GAS7: variants seen among roughly 807,000 people sequenced by gnomAD.
The protein encoded by GAS7 is growth arrest-specific protein 7.
GAS7 carries 28 observed loss-of-function variants against 71.1 expected under a neutral mutation model. The observed-to-expected ratio is 0.39, with a 90% CI of 0.29 to 0.54. The LOEUF (loss-of-function observed/expected upper bound fraction) is 0.54. Ranked by LOEUF, GAS7 falls within the 20% of genes least tolerant of loss-of-function variation. The pLI, the probability that GAS7 is intolerant of heterozygous loss-of-function variation, is 0.62. For synonymous variants in GAS7, 258 were observed against 245.8 expected (o/e 1.05, Z -0.46); for missense variants, 436 against 627.8 (o/e 0.69, Z 3.27).
rs2072478408 is a variant in GAS7 at position 10,026,967 on chromosome 17, A to G, written c.184-7070T>C. 6.6e-6 allele frequency: 1 copy of G among 152,208 alleles called. No homozygotes were observed. Among genetic ancestry groups the G allele is most frequent in the Admixed American group, 6.5e-5 (1 of 15,284 alleles). The allele number at this position is 152,208 out of a possible 1,614,324, so 9.4% of individuals were successfully genotyped here. ...TCAGAAATTTCAGTGCACAGAAAATAGTAGGGGACCCCTGGCAACGTCACA... is the reference window on the plus strand; with the variant it reads ...TCAGAAATTTCAGTGCACAGAAAATGGTAGGGGACCCCTGGCAACGTCACA... On this transcript the variant is annotated intron_variant, in intron 1 of 13. Transcript: ENST00000432992. The surrounding 1 kb of genome is among the most constrained non-coding windows in gnomAD (Gnocchi z 4.5).
chr17:10,030,733 T>C (rs2152218995), intron 1 of GAS7, among the ~76,000 whole-genome samples: 1 of 152,322 alleles, frequency 6.6e-6, no homozygotes, highest in Middle Eastern at 3.4e-3. Context: ...CTTCCAAACC[T>C]GGCACTATCC....
intron 2 of GAS7, among the ~76,000 whole-genome samples, chr17:9,986,705 C>G (rs2070663084): frequency 6.6e-6 from 1 of 152,184 alleles, no homozygotes; most frequent in Non-Finnish European, 1.5e-5. Context: ...ACTCCCAGAC[C>G]CCCCACAAGC....
In GAS7 at chr17:10,144,654, C is replaced by T. The variant is rs531819765; in HGVS notation, c.183+53554G>A. Among the ~76,000 whole-genome samples, 6 of 152,258 alleles carry T rather than the reference C, an allele frequency of 3.9e-5. No individual in the cohort carries two copies. The South Asian group carries it at 1.2e-3, about 32-fold the overall frequency. On this transcript the variant is annotated intron_variant, in intron 1 of 13. Coordinates refer to ENST00000432992, the MANE Select transcript of GAS7 (RefSeq NM_201433.2). ...GACCTCCAGGGCTCAGGCAATCCTC[C>T]CACCTCAGCCCCCTAAGTAGTTGGG... is the stretch of plus-strand genomic sequence containing the variant.
intron 1 of GAS7, among the ~76,000 whole-genome samples, chr17:10,182,991 G>A (rs2074427309): frequency 6.6e-6 from 1 of 152,106 alleles, no homozygotes; most frequent in African/African-American, 2.4e-5. Flanking sequence ...TCAAACCCAG[G>A]TAAGAAGCCA....
In GAS7 at chr17:9,974,847, C is replaced by A. The variant is rs1432539750; in HGVS notation, c.386-5085G>T. Among the ~76,000 whole-genome samples, 3 of 152,160 alleles carry A rather than the reference C, an allele frequency of 2.0e-5. No homozygotes were observed. Among genetic ancestry groups the A allele is most frequent in the Non-Finnish European group, 2.9e-5 (2 of 68,036 alleles). On this transcript the variant is annotated intron_variant, in intron 3 of 13. Transcript: ENST00000432992. This position sits in a 1 kb window ranked among gnomAD's most constrained non-coding sequence, Gnocchi z 4.0. Reference sequence around the variant, plus strand: ...CAGCAGCTCCGCCACCCAGGGCTCACCCCCACCCACAGCTCGGCTTCCATA... The same window carrying A: ...CAGCAGCTCCGCCACCCAGGGCTCAACCCCACCCACAGCTCGGCTTCCATA...
intron 1 of GAS7, among the ~76,000 whole-genome samples, chr17:10,109,321 C>G (rs1351982871): frequency 6.6e-6 from 1 of 152,158 alleles, no homozygotes; most frequent in African/African-American, 2.4e-5. Context: ...ACGGGTATGC[C>G]TGGCTTATTT....
At chr17:10,046,849 G>GGAAGGAAAGAAAAGAAAAGAA (rs2072977292) in intron 1 of GAS7, among the ~76,000 whole-genome samples, 2 of 127,540 alleles carry the variant, frequency 1.6e-5, no homozygotes, top group Non-Finnish European at 3.2e-5. Flanking sequence ...AGGAAGGAAA[G>GGAAGGAAAGAAAAGAAAAGAA]AAAAGAAAAG....
Position 9,916,567 on chromosome 17 carries a change from A to G in GAS7, c.*661T>C. ...CTCATGGGACACGATTCAGCGCTCA[A>G]TTTGGGGCTAATTTGCCGAATGAGG... On this transcript the variant is annotated 3_prime_UTR_variant, in exon 14 of 14. Coordinates refer to ENST00000432992, the MANE Select transcript of GAS7 (RefSeq NM_201433.2). 4.1e-6 allele frequency: 1 copy of G among 246,676 alleles called. No homozygotes were observed. Among genetic ancestry groups the G allele is most frequent in the Non-Finnish European group, 7.8e-6 (1 of 127,426 alleles). The allele number at this position is 246,676 out of a possible 1,614,324, so 15.3% of individuals were successfully genotyped here.
At chr17:10,170,162 A>G (rs902112507) in intron 1 of GAS7, among the ~76,000 whole-genome samples, 9 of 146,606 alleles carry the variant, frequency 6.1e-5, no homozygotes, top group African/African-American at 2.3e-4. Context: ...TCCCCCCTCC[A>G]TCCCCCCATC....
intron 1 of GAS7, among the ~76,000 whole-genome samples, chr17:10,042,999 A>G (rs1212402101): frequency 6.6e-6 from 1 of 152,134 alleles, no homozygotes; most frequent in African/African-American, 2.4e-5. Context: ...AGTAGGGGTG[A>G]GTCTGGCCCT....
intron 1 of GAS7, among the ~76,000 whole-genome samples, chr17:10,038,695 ATTTTTTTTTTT>A (rs71365709): frequency 8.3e-6 from 1 of 121,212 alleles, no homozygotes; most frequent in Non-Finnish European, 1.7e-5. Context: ...GAAGGAAGGA[ATTTTTTTTTTT>A]TTTTTTTTTT....
At chr17:10,030,784 T>C (rs2072598575) in intron 1 of GAS7, among the ~76,000 whole-genome samples, 1 of 151,938 alleles carries the variant, frequency 6.6e-6, no homozygotes. Context: ...GATAGATGAA[T>C]GGGGTGACAA....
At chr17:10,028,608 AG>A (rs950388190) in intron 1 of GAS7, among the ~76,000 whole-genome samples, 20 of 152,120 alleles carry the variant, frequency 1.3e-4, no homozygotes, top group African/African-American at 4.6e-4. Flanking sequence ...ACCTCAACAA[AG>A]GGCAGGAAGA....
intron 1 of GAS7, among the ~76,000 whole-genome samples, chr17:10,104,537 C>T (rs1482270406): frequency 6.6e-6 from 1 of 152,206 alleles, no homozygotes; most frequent in East Asian, 1.9e-4. Flanking sequence ...TCTCCAGACC[C>T]ATGGCCACCT....
At chr17:10,138,260 C>T (rs568886929) in intron 1 of GAS7, among the ~76,000 whole-genome samples, 7 of 152,180 alleles carry the variant, frequency 4.6e-5, no homozygotes, top group African/African-American at 1.4e-4. Flanking sequence ...CCACCACATC[C>T]GGCCAAAGTT....
chr17:9,951,760 C>CAAAAAAAAAAAAAAA (rs59048492), intron 5 of GAS7, among the ~76,000 whole-genome samples: 1 of 69,012 alleles, frequency 1.4e-5, no homozygotes, highest in African/African-American at 4.6e-5. Flanking sequence ...AACTCTGTCT[C>CAAAAAAAAAAAAAAA]AAAAAAAAAA....
chr17:10,170,517 C>T (rs1225645921), intron 1 of GAS7, among the ~76,000 whole-genome samples: 1 of 152,208 alleles, frequency 6.6e-6, no homozygotes, highest in African/African-American at 2.4e-5. Flanking sequence ...CTTACTCCAT[C>T]GTATCTTCCA....
In GAS7 at chr17:10,103,230, G is replaced by C. The variant is rs1166531179; in HGVS notation, c.184-83333C>G. Among the ~76,000 whole-genome samples the C allele has an allele frequency of 6.6e-6, 1 of 151,994 alleles. No homozygotes were observed. Among genetic ancestry groups the C allele is most frequent in the Non-Finnish European group, 1.5e-5 (1 of 67,984 alleles). ...GTGGTGGTGCACACTTGTGGTCCTA[G>C]CTACTCAGGAGGCTAAGGTGGGAGA... On this transcript the variant is annotated intron_variant, in intron 1 of 13. Coordinates refer to ENST00000432992, the MANE Select transcript of GAS7 (RefSeq NM_201433.2). This position sits in a 1 kb window ranked among gnomAD's most constrained non-coding sequence, Gnocchi z 5.5.
chr17:9,988,508 T>C (rs1475724270), intron 2 of GAS7, among the ~76,000 whole-genome samples: 1 of 152,176 alleles, frequency 6.6e-6, no homozygotes, highest in East Asian at 1.9e-4. Context: ...CAGAGTTTCC[T>C]CCATCTCTGG....
Sources: allele counts gnomAD v4.1 joint callset (sites outside exome capture counted in the v4.1 genomes callset), GRCh38; gene constraint gnomAD v4.1.1; non-coding constraint Gnocchi (gnomAD v3.1); transcripts MANE v1.5; gene names NCBI Gene and HGNC (gene_info 2026-07-23, HGNC 2026-07-21).